Variants in EXOC6B observed in about 807,000 individuals in gnomAD.
The protein encoded by EXOC6B is exocyst complex component 6B, also known as SEC15 homolog B.
Under a neutral mutation model 113.5 loss-of-function variants are expected in EXOC6B, and 54 were observed. The ratio of observed to expected loss-of-function variants is 0.48; its 90% CI spans 0.38 to 0.60. The LOEUF is 0.60. Ranked by LOEUF, EXOC6B falls within the 20% of genes least tolerant of loss-of-function variation. The probability of loss-of-function intolerance (pLI) is 0.00; values close to 1 mark genes in which losing one functional copy is unlikely to be tolerated. For missense variants in EXOC6B, 797 were observed against 977.5 expected (o/e 0.82, Z 2.46); for synonymous variants, 357 against 339.0 (o/e 1.05, Z -0.58).
chr2:72,812,105 A>G (rs1355797781), intron 1 of EXOC6B, among the ~76,000 whole-genome samples: 1 of 152,228 alleles, frequency 6.6e-6, no homozygotes, highest in East Asian at 1.9e-4. Flanking sequence ...CCATTTGCAG[A>G]TAACACTATT....
chr2:72,393,684 T>A (rs1692536434), intron 18 of EXOC6B, among the ~76,000 whole-genome samples: 1 of 152,180 alleles, frequency 6.6e-6, no homozygotes, highest in South Asian at 2.1e-4. Flanking sequence ...TGGTCAAGAA[T>A]CTTCTAAGCT....
At chr2:72,383,201 C>G (rs933738043) in intron 18 of EXOC6B, among the ~76,000 whole-genome samples, 2 of 152,046 alleles carry the variant, frequency 1.3e-5, no homozygotes, top group Admixed American at 1.3e-4. Context: ...ACAGAGAAAA[C>G]AGAAAACCTA....
chr2:72,616,618 C>T (rs1188181398), intron 6 of EXOC6B, among the ~76,000 whole-genome samples: 1 of 152,078 alleles, frequency 6.6e-6, no homozygotes, highest in Non-Finnish European at 1.5e-5. Flanking sequence ...TTTTTAAAAC[C>T]ATCAGATCTT....
chr2:72,420,799 G>A (rs1365017534), intron 18 of EXOC6B, among the ~76,000 whole-genome samples: 2 of 152,094 alleles, frequency 1.3e-5, no homozygotes, highest in Admixed American at 1.3e-4. Flanking sequence ...CTAGATCCTT[G>A]AGGAATCACC....
chr2:72,256,201 T>G (rs1307590386), intron 20 of EXOC6B, among the ~76,000 whole-genome samples: 1 of 152,094 alleles, frequency 6.6e-6, no homozygotes, highest in African/African-American at 2.4e-5. Flanking sequence ...AAGGAAGGAT[T>G]CTCCCTTAGA....
intron 20 of EXOC6B, among the ~76,000 whole-genome samples, chr2:72,304,792 C>G (rs1686735886): frequency 6.6e-6 from 1 of 152,158 alleles, no homozygotes; most frequent in Non-Finnish European, 1.5e-5. Context: ...TGCAAAACTG[C>G]TATTTAGGAA....
chr2:72,569,652 TTAAACTC>T (rs2103779691), intron 7 of EXOC6B, among the ~76,000 whole-genome samples: 1 of 152,304 alleles, frequency 6.6e-6, no homozygotes, highest in South Asian at 2.1e-4. Context: ...AACCTCTGGT[TTAAACTC>T]TAAACTTCTA....
At chr2:72,718,658 G>C (rs930545902) in intron 5 of EXOC6B, among the ~76,000 whole-genome samples, 1 of 152,146 alleles carries the variant, frequency 6.6e-6, no homozygotes, top group African/African-American at 2.4e-5. Context: ...AGGAATTTGA[G>C]ACTAGCCGGG....
chr2:72,798,584 T>C (rs1006059243), intron 1 of EXOC6B, among the ~76,000 whole-genome samples: 1 of 152,174 alleles, frequency 6.6e-6, no homozygotes, highest in African/African-American at 2.4e-5. Context: ...CCACACACTT[T>C]GCCATTTTCA....
intron 6 of EXOC6B, among the ~76,000 whole-genome samples, chr2:72,700,613 TGAC>T (rs1678250650): frequency 1.3e-5 from 2 of 152,210 alleles, no homozygotes; most frequent in Admixed American, 1.3e-4. Flanking sequence ...TGGACAGTGT[TGAC>T]GACTGCACAA....
chr2:72,195,178 G>T (rs1315398430), intron 20 of EXOC6B, among the ~76,000 whole-genome samples: 1 of 152,192 alleles, frequency 6.6e-6, no homozygotes, highest in Non-Finnish European at 1.5e-5. Context: ...GGAGGCTTCA[G>T]ATTCTCCTGT....
chr2:72,629,887 C>T (rs1447491958), intron 6 of EXOC6B, among the ~76,000 whole-genome samples: 1 of 152,188 alleles, frequency 6.6e-6, no homozygotes, highest in African/African-American at 2.4e-5. Flanking sequence ...TCATCAAACT[C>T]CTTTCTCTCA....
chr2:72,227,311 G>A (rs1418309332), intron 20 of EXOC6B, among the ~76,000 whole-genome samples: 4 of 151,934 alleles, frequency 2.6e-5, no homozygotes, highest in East Asian at 1.9e-4. Context: ...AAGGAAAACC[G>A]GTCCAGTAAA....
chr2:72,718,003 C>T, intron 6 of EXOC6B, 100 bp downstream of exon 6: 1 of 810,928 alleles, frequency 1.2e-6, no homozygotes, highest in Non-Finnish European at 1.9e-6. Flanking sequence ...TGATAAGAAA[C>T]TTGGATAAGA....
At chr2:72,735,211 T>C (rs1680871778) in intron 2 of EXOC6B, among the ~76,000 whole-genome samples, 1 of 152,190 alleles carries the variant, frequency 6.6e-6, no homozygotes, top group Admixed American at 6.5e-5. Flanking sequence ...AGCAACATTA[T>C]CTACTAGAGT....
At chr2:72,762,167 T>C (rs1295289752) in intron 1 of EXOC6B, among the ~76,000 whole-genome samples, 1 of 146,108 alleles carries the variant, frequency 6.8e-6, no homozygotes, top group Non-Finnish European at 1.5e-5. Context: ...TCACTTTAAC[T>C]GGGGAAGCAG....
intron 20 of EXOC6B, among the ~76,000 whole-genome samples, chr2:72,281,848 A>AGTG (rs1363882731): frequency 3.9e-5 from 6 of 152,232 alleles, no homozygotes; most frequent in Non-Finnish European, 8.8e-5. Flanking sequence ...TGGGCAACAC[A>AGTG]GTGAGACCAC....
At chr2:72,273,258 T>C (rs887449944) in intron 20 of EXOC6B, among the ~76,000 whole-genome samples, 1 of 152,210 alleles carries the variant, frequency 6.6e-6, no homozygotes, top group Non-Finnish European at 1.5e-5. Flanking sequence ...TGGAAATTAT[T>C]TGACTTCCTT....
At chr2:72,761,428 C>T (rs180908011) in intron 1 of EXOC6B, among the ~76,000 whole-genome samples, 17 of 152,252 alleles carry the variant, frequency 1.1e-4, no homozygotes, top group Admixed American at 9.8e-4. Flanking sequence ...TTAGGGCACT[C>T]TCCAAAAGCT....
Sources: gnomAD v4.1 joint callset for allele counts (sites outside exome capture counted in the v4.1 genomes callset) on GRCh38, gnomAD v4.1.1 for gene constraint, MANE v1.5 for transcripts, NCBI Gene and HGNC (gene_info 2026-07-23, HGNC 2026-07-21) for gene names.